The following ANKFN1 variants were observed in gnomAD, a reference collection of about 807,000 sequenced individuals.
ANKFN1 encodes the protein ankyrin repeat and fibronectin type III domain containing 1.
In ANKFN1, 74 loss-of-function variants were observed where a neutral mutation model predicts 108.7. The ratio of observed to expected loss-of-function variants is 0.68; its 90% CI spans 0.56 to 0.83. The LOEUF is 0.83. ANKFN1 is among the 40% of genes least tolerant of loss of function. ANKFN1 has a pLI of 0.00. For synonymous variants in ANKFN1, 547 were observed against 516.2 expected, an observed-to-expected ratio of 1.06 and a Z score of -0.81; for missense variants, 1,505 against 1,382.3, an observed-to-expected ratio of 1.09 and a Z score of -1.41.
intron 1 of ANKFN1, among the ~76,000 whole-genome samples, chr17:56,156,792 G>C (rs1194231119): frequency 6.6e-6 from 1 of 152,138 alleles, no homozygotes; most frequent in Non-Finnish European, 1.5e-5. Context: ...CTTGCCCTCT[G>C]TTTTTATAAA....
intron 1 of ANKFN1, among the ~76,000 whole-genome samples, chr17:56,197,406 T>G (rs1384004624): frequency 1.3e-5 from 2 of 152,224 alleles, no homozygotes. Flanking sequence ...AGGTCTTGTA[T>G]GTGGGAATAA....
chr17:56,060,990 A>G lies in ANKFN1; in HGVS notation c.288+14665A>G, dbSNP rs183871340. On this transcript the variant is annotated intron_variant, in intron 4 of 12. Coordinates refer to the ANKFN1 transcript ENST00000635860. The stretch of plus-strand genomic sequence containing the variant: ...AGTCCCTCTTTTTCAACTGTTTGGA[A>G]TAGTTTCAGAAGGAATGGTACCAGC... Among the ~76,000 whole-genome samples, 1,444 of 152,278 alleles carry G rather than the reference A, an allele frequency of 9.5e-3. 21 individuals carry two copies. Among genetic ancestry groups the G allele is most frequent in the Non-Finnish European group, 0.015 (1,026 of 68,034 alleles).
At chr17:56,266,056 T>G (rs913562335) in intron 3 of ANKFN1, among the ~76,000 whole-genome samples, 4 of 152,186 alleles carry the variant, frequency 2.6e-5, no homozygotes, top group Admixed American at 6.5e-5. Context: ...TAGATAACTT[T>G]TATAAGCTGT....
At chr17:56,497,486 C>T (rs919948897) in intron 19 of ANKFN1, among the ~76,000 whole-genome samples, 1 of 152,116 alleles carries the variant, frequency 6.6e-6, no homozygotes, top group Admixed American at 6.5e-5. Flanking sequence ...CTCAACTTGG[C>T]GGACTGAATG....
At chr17:56,223,207 T>G (rs1184580554) in intron 2 of ANKFN1, among the ~76,000 whole-genome samples, 1 of 152,320 alleles carries the variant, frequency 6.6e-6, no homozygotes, top group East Asian at 1.9e-4. Context: ...CATAAAAATA[T>G]TTAGAAGGAT....
At chr17:56,420,531 C>T (rs1404687355) in intron 8 of ANKFN1, among the ~76,000 whole-genome samples, 2 of 152,018 alleles carry the variant, frequency 1.3e-5, no homozygotes. Flanking sequence ...TGAAATTATA[C>T]CTAGGGTGCA....
intron 3 of ANKFN1, among the ~76,000 whole-genome samples, chr17:56,313,152 CA>C (rs3027987): frequency 0.24 from 28,787 of 122,238 alleles, 4,280 homozygotes; most frequent in African/African-American, 0.48. Context: ...GAATCCAACT[CA>C]AAAAAAAAAA....
chr17:56,199,318 A>G (rs1913830935), intron 1 of ANKFN1, among the ~76,000 whole-genome samples: 2 of 149,406 alleles, frequency 1.3e-5, no homozygotes, highest in African/African-American at 4.9e-5. Flanking sequence ...TTCATACTTT[A>G]TGACCTTACT....
chr17:56,165,351 A>G (rs1052306973), intron 1 of ANKFN1, among the ~76,000 whole-genome samples: 2 of 152,150 alleles, frequency 1.3e-5, no homozygotes, highest in African/African-American at 4.8e-5. Flanking sequence ...GCTATTCTAT[A>G]TTACACAAGA....
At chr17:56,453,819 G>A (rs1318376789) in intron 11 of ANKFN1, among the ~76,000 whole-genome samples, 1 of 151,790 alleles carries the variant, frequency 6.6e-6, no homozygotes, top group Admixed American at 6.6e-5. Context: ...TATTTTGAAG[G>A]TATTGTTTCA....
intron 19 of ANKFN1, among the ~76,000 whole-genome samples, chr17:56,495,234 A>G (rs955168628): frequency 6.6e-6 from 1 of 152,114 alleles, no homozygotes; most frequent in Non-Finnish European, 1.5e-5. Flanking sequence ...TCAATGAACC[A>G]CCTTGCTTCT....
intron 1 of ANKFN1, among the ~76,000 whole-genome samples, chr17:56,200,693 C>T (rs1913975405): frequency 6.6e-6 from 1 of 152,120 alleles, no homozygotes; most frequent in East Asian, 1.9e-4. Context: ...GACATATGTA[C>T]ATGTTACTGT....
chr17:56,292,518 G>A (rs1426412609), intron 3 of ANKFN1, among the ~76,000 whole-genome samples: 3 of 152,146 alleles, frequency 2.0e-5, no homozygotes, highest in Non-Finnish European at 4.4e-5. Context: ...TGTCTGTGTT[G>A]GGTCTCCAGG....
intron 4 of ANKFN1, among the ~76,000 whole-genome samples, chr17:56,142,325 G>A (rs867598020): frequency 2.6e-5 from 4 of 152,132 alleles, no homozygotes; most frequent in Non-Finnish European, 5.9e-5. Flanking sequence ...GGGTGGAAAC[G>A]ACAAGTTGCA....
intron 7 of ANKFN1, 24 bp downstream of exon 7, chr17:56,372,864 A>G (rs1250414459): frequency 1.3e-6 from 2 of 1,597,994 alleles, no homozygotes; most frequent in East Asian, 4.5e-5. Flanking sequence ...GAAAATGTCT[A>G]CATTTCACTA....
intron 4 of ANKFN1, among the ~76,000 whole-genome samples, chr17:56,122,471 T>C (rs548033128): frequency 1.4e-4 from 21 of 152,308 alleles, no homozygotes; most frequent in African/African-American, 5.1e-4. Flanking sequence ...CTCCCTATAA[T>C]GATTAGAAGC....
intron 1 of ANKFN1, among the ~76,000 whole-genome samples, chr17:56,199,032 A>G (rs1414592431): frequency 6.6e-6 from 1 of 152,220 alleles, no homozygotes; most frequent in Non-Finnish European, 1.5e-5. Context: ...AAATTTCATT[A>G]ATACTAAAAA....
At chr17:56,442,222 T>G (rs1480785561) in intron 9 of ANKFN1, among the ~76,000 whole-genome samples, 1 of 152,214 alleles carries the variant, frequency 6.6e-6, no homozygotes, top group Non-Finnish European at 1.5e-5. Context: ...GAAGGATGTT[T>G]ATTGCAGCAT....
At chr17:56,063,329 T>C (rs573324741) in intron 4 of ANKFN1, among the ~76,000 whole-genome samples, 175 of 152,252 alleles carry the variant, frequency 1.1e-3, no homozygotes, top group African/African-American at 4.0e-3. Context: ...TCCTGGATAA[T>C]ATCCTGAAAT....
Sources: gnomAD v4.1 joint callset for allele counts (sites outside exome capture counted in the v4.1 genomes callset) on GRCh38, gnomAD v4.1.1 for gene constraint, MANE v1.5 for transcripts, NCBI Gene and HGNC (gene_info 2026-07-23, HGNC 2026-07-21) for gene names.